Variants in MCHR2 observed in about 807,000 individuals in gnomAD.
The protein encoded by MCHR2 is melanin-concentrating hormone receptor 2.
In MCHR2, 15 loss-of-function variants were observed where a neutral mutation model predicts 24.8. That is an observed-to-expected ratio of 0.60 (90% confidence interval 0.40 to 0.93). MCHR2 has a LOEUF of 0.93. Among genes scored for constraint, MCHR2 ranks in the 40% least tolerant of loss-of-function variants. MCHR2 has a pLI of 0.00. For synonymous variants in MCHR2, 151 were observed against 147.6 expected, an observed-to-expected ratio of 1.02 and a Z score of -0.17; for missense variants, 386 against 408.7, an observed-to-expected ratio of 0.94 and a Z score of 0.48.
rs59525300 is a variant in MCHR2, at chr6:99,979,664, G to A, written c.-28+14272C>T. 5.9e-3 allele frequency among the ~76,000 whole-genome samples: 895 copies of A among 152,234 alleles called. 8 individuals are homozygous for A. The highest frequency in any genetic ancestry group is 0.021 in the African/African-American group (857 of 41,550). The stretch of plus-strand genomic sequence containing the variant: ...TTAATGTGGCTACTAAAAAATTTAA[G>A]ATTACATATGTGATTTGTATTTGTT... On this transcript the variant is annotated intron_variant, in intron 1 of 5. Coordinates refer to ENST00000281806, the MANE Select transcript of MCHR2 (RefSeq NM_001040179.2).
intron 3 of MCHR2, among the ~76,000 whole-genome samples, chr6:99,943,886 C>T (rs951991506): frequency 6.6e-6 from 1 of 152,060 alleles, no homozygotes; most frequent in African/African-American, 2.4e-5. Flanking sequence ...AGGAAATAAC[C>T]CTTTTCCCAG....
intron 4 of MCHR2, among the ~76,000 whole-genome samples, chr6:99,937,354 GC>G (rs762020525): frequency 6.6e-6 from 1 of 151,842 alleles, no homozygotes; most frequent in Non-Finnish European, 1.5e-5. Flanking sequence ...TGTCATGTAT[GC>G]CCTTTGTTAT....
intron 1 of MCHR2, among the ~76,000 whole-genome samples, chr6:99,992,219 A>G (rs1302893648): frequency 6.6e-6 from 1 of 152,132 alleles, no homozygotes; most frequent in African/African-American, 2.4e-5. Flanking sequence ...GGGATTTAGG[A>G]CCTCTGACTA....
chr6:99,938,219 T>G (rs992426548), intron 4 of MCHR2, among the ~76,000 whole-genome samples: 2 of 152,020 alleles, frequency 1.3e-5, no homozygotes, highest in African/African-American at 2.4e-5. Flanking sequence ...TAATCTTCAT[T>G]ATTTATTTCC....
intron 1 of MCHR2, among the ~76,000 whole-genome samples, chr6:99,978,565 C>G (rs1204449995): frequency 6.6e-6 from 1 of 151,634 alleles, no homozygotes; most frequent in Non-Finnish European, 1.5e-5. Flanking sequence ...ACTACAGGTG[C>G]CCACCACCAC....
intron 1 of MCHR2, among the ~76,000 whole-genome samples, chr6:99,970,157 C>G (rs1369704872): frequency 2.0e-5 from 3 of 151,112 alleles, no homozygotes; most frequent in African/African-American, 7.3e-5. Context: ...AATGGTTGAA[C>G]TAGTTTACAG....
chr6:99,941,927 G>T (rs1038817994), intron 4 of MCHR2, among the ~76,000 whole-genome samples: 1 of 151,968 alleles, frequency 6.6e-6, no homozygotes, highest in Non-Finnish European at 1.5e-5. Context: ...ATGCAGAAAT[G>T]ACTTATCTAT....
At chr6:99,954,681 T>C (rs1172252749) in intron 2 of MCHR2, among the ~76,000 whole-genome samples, 5 of 152,150 alleles carry the variant, frequency 3.3e-5, no homozygotes, top group African/African-American at 1.2e-4. Context: ...CTGCTAAGTA[T>C]TGTTGTGTGA....
At chr6:99,942,797 A>T (rs779041838) in intron 4 of MCHR2, 152 bp downstream of exon 4, 8 of 524,162 alleles carry the variant, frequency 1.5e-5, no homozygotes, top group Non-Finnish European at 2.6e-5. Context: ...CAAACTTATC[A>T]CCTTGATTGT....
intron 1 of MCHR2, among the ~76,000 whole-genome samples, chr6:99,966,027 C>T (rs1357724202): frequency 6.6e-6 from 1 of 152,114 alleles, no homozygotes; most frequent in East Asian, 1.9e-4. Context: ...ATTGACAACT[C>T]CCAGGCTAAT....
chr6:99,965,679 T>C (rs907198151), intron 1 of MCHR2, among the ~76,000 whole-genome samples: 1 of 152,164 alleles, frequency 6.6e-6, no homozygotes, highest in Non-Finnish European at 1.5e-5. Flanking sequence ...ACTTGTTTTT[T>C]AAGCACTTCT....
At chr6:99,984,482 T>G (rs1775735259) in intron 1 of MCHR2, among the ~76,000 whole-genome samples, 1 of 151,866 alleles carries the variant, frequency 6.6e-6, no homozygotes, top group South Asian at 2.1e-4. Flanking sequence ...TACATTTGTT[T>G]AATTTTACAC....
Position 99,921,171 on chromosome 6 carries a change from A to G in MCHR2, c.792T>C (p.Ala264=), listed in dbSNP as rs866806529. 1 of 1,614,204 alleles carries G rather than the reference A, an allele frequency of 6.2e-7. No homozygotes were observed. Among genetic ancestry groups the G allele is most frequent in the Middle Eastern group, 1.6e-4 (1 of 6,062 alleles). The change falls in exon 6 of 6, where the codon GCT becomes GCC. Residue 264 remains alanine (A), a synonymous_variant. Coordinates refer to ENST00000281806, the MANE Select transcript of MCHR2 (RefSeq NM_001040179.2). ...LVLVVVFILS[A]APYHVIQLVN... ...CCAGTTGTATCACATGATAAGGGGC[A>G]GCACTCAGGATAAAGACTACCACCA...
intron 1 of MCHR2, among the ~76,000 whole-genome samples, chr6:99,985,894 A>G (rs1775759705): frequency 6.6e-6 from 1 of 152,210 alleles, no homozygotes; most frequent in South Asian, 2.1e-4. Context: ...CAACCTACAG[A>G]ATAGGCGAAG....
At chr6:99,950,808 T>C (rs747048509) in intron 2 of MCHR2, among the ~76,000 whole-genome samples, 1 of 152,194 alleles carries the variant, frequency 6.6e-6, no homozygotes, top group Non-Finnish European at 1.5e-5. Flanking sequence ...TCTATTAAAA[T>C]CATGCTTACC....
intron 1 of MCHR2, among the ~76,000 whole-genome samples, chr6:99,963,912 A>G (rs1379226934): frequency 6.6e-6 from 1 of 152,124 alleles, no homozygotes; most frequent in East Asian, 1.9e-4. Flanking sequence ...CAAAATATAT[A>G]AACTATCTAT....
At chr6:99,928,725 T>A (rs191290464) in intron 5 of MCHR2, among the ~76,000 whole-genome samples, 1 of 152,336 alleles carries the variant, frequency 6.6e-6, no homozygotes, top group African/African-American at 2.4e-5. Flanking sequence ...GATTCTTCTC[T>A]CTTTTCTTCT....
intron 1 of MCHR2, among the ~76,000 whole-genome samples, chr6:99,991,450 T>C (rs1039724313): frequency 1.3e-5 from 2 of 152,188 alleles, no homozygotes; most frequent in South Asian, 4.1e-4. Flanking sequence ...TGAGCCTCAG[T>C]TTCCCCATAG....
At position 99,934,527 on chromosome 6, in the gene MCHR2, G is replaced by T; in HGVS notation, c.588-10C>A. 6.4e-7 allele frequency: 1 copy of T among 1,557,116 alleles called. No individual in the cohort carries two copies. The highest frequency in any genetic ancestry group is 1.2e-5 in the South Asian group (1 of 81,168). ...CAAATAAAGTGTATACCTGTAAAATGAGAGAGAGAAGAGAGAGAGAGAAAG... is the reference window on the plus strand; with the variant it reads ...CAAATAAAGTGTATACCTGTAAAATTAGAGAGAGAAGAGAGAGAGAGAAAG... On this transcript the variant is annotated splice_polypyrimidine_tract_variant and intron_variant, in intron 4 of 5. Coordinates refer to ENST00000281806, the MANE Select transcript of MCHR2 (RefSeq NM_001040179.2).
Sources: gnomAD v4.1 joint callset for allele counts (sites outside exome capture counted in the v4.1 genomes callset) on GRCh38, gnomAD v4.1.1 for gene constraint, MANE v1.5 for transcripts, NCBI Gene and HGNC (gene_info 2026-07-23, HGNC 2026-07-21) for gene names.